Variants in HMGCLL1 observed in about 807,000 individuals in gnomAD.
HMGCLL1 encodes the protein 3-hydroxymethyl-3-methylglutaryl-CoA lyase, cytoplasmic.
HMGCLL1 carries 36 observed loss-of-function variants against 39.1 expected under a neutral mutation model. That is an observed-to-expected ratio of 0.92 (90% CI 0.71 to 1.22). HMGCLL1 has a LOEUF of 1.22. HMGCLL1 is among the 50% of genes most tolerant of loss of function. The pLI is 0.00. For missense variants in HMGCLL1, 451 were observed against 416.5 expected (o/e 1.08, Z -0.72); for synonymous variants, 149 against 144.0 (o/e 1.03, Z -0.25).
rs143658065 is a variant in HMGCLL1 at position 55,555,537 on chromosome 6, A to C, written c.109-13397T>G. On this transcript the variant is annotated intron_variant, in intron 1 of 8. Transcript: ENST00000274901. Reference sequence around the variant, plus strand: ...TTGTTGGGTTCACTGCTGTGTCCCAATCTTTAGAACCGATCCTGTTGTATA... The same window carrying C: ...TTGTTGGGTTCACTGCTGTGTCCCACTCTTTAGAACCGATCCTGTTGTATA... Among the ~76,000 whole-genome samples the C allele has an allele frequency of 2.0e-5, 3 of 152,282 alleles. No individual in the cohort carries two copies. In the East Asian group the frequency reaches 5.8e-4, roughly 29 times the overall value.
chr6:55,458,321 T>C (rs1204827801), intron 7 of HMGCLL1, among the ~76,000 whole-genome samples: 2 of 152,180 alleles, frequency 1.3e-5, no homozygotes, highest in Non-Finnish European at 2.9e-5. Context: ...AGCCAGTTTT[T>C]AGTGGGGAAG....
At chr6:55,654,089 G>A in the HMGCLL1 span, among the ~76,000 whole-genome samples, 1 of 151,856 alleles carries the variant, frequency 6.6e-6, no homozygotes, top group Non-Finnish European at 1.5e-5. Context: ...TATCAGCTAA[G>A]GAGTGTAAAT....
At chr6:55,489,470 C>A (rs915209204) in intron 7 of HMGCLL1, among the ~76,000 whole-genome samples, 4 of 151,082 alleles carry the variant, frequency 2.6e-5, no homozygotes, top group African/African-American at 9.7e-5. Flanking sequence ...CAAATTTAAG[C>A]CCCCAAAAGA....
chr6:55,436,332 A>C (rs1763372065), intron 8 of HMGCLL1, among the ~76,000 whole-genome samples: 1 of 152,058 alleles, frequency 6.6e-6, no homozygotes, highest in South Asian at 2.1e-4. Flanking sequence ...TATTTAGTAC[A>C]CATCTGGAAC....
chr6:55,554,417 A>G (rs925998445), intron 1 of HMGCLL1, among the ~76,000 whole-genome samples: 2 of 151,952 alleles, frequency 1.3e-5, no homozygotes, highest in African/African-American at 4.8e-5. Flanking sequence ...AGACATTCAC[A>G]TCACAGGATA....
At chr6:55,457,520 G>A (rs932389856) in intron 7 of HMGCLL1, among the ~76,000 whole-genome samples, 7 of 152,098 alleles carry the variant, frequency 4.6e-5, no homozygotes, top group East Asian at 1.9e-4. Flanking sequence ...AGTTATTAAA[G>A]CCAAGAAAAG....
the HMGCLL1 span, among the ~76,000 whole-genome samples, chr6:55,650,130 TA>T: frequency 2.0e-5 from 1 of 51,066 alleles, no homozygotes; most frequent in Non-Finnish European, 3.6e-5. Context: ...TATATATATA[TA>T]TATACACACA....
the HMGCLL1 span, among the ~76,000 whole-genome samples, chr6:55,630,462 T>C: frequency 6.6e-6 from 1 of 152,076 alleles, no homozygotes; most frequent in Non-Finnish European, 1.5e-5. Flanking sequence ...CTTCAGACTG[T>C]GGACTGACAT....
At chr6:55,497,887 T>A (rs1766659860) in intron 6 of HMGCLL1, among the ~76,000 whole-genome samples, 1 of 151,878 alleles carries the variant, frequency 6.6e-6, no homozygotes, top group Non-Finnish European at 1.5e-5. Flanking sequence ...GACAGTGTAA[T>A]GAGAAAGCAA....
At chr6:55,500,281 G>A (rs980314475) in intron 5 of HMGCLL1, among the ~76,000 whole-genome samples, 8 of 151,950 alleles carry the variant, frequency 5.3e-5, no homozygotes, top group Non-Finnish European at 1.2e-4. Flanking sequence ...ATTACGTAAG[G>A]TAGTGGCAAG....
In HMGCLL1 at chr6:55,435,745, CTT is replaced by C. The variant is rs751653044; in HGVS notation, c.938_939del (p.Lys313SerfsTer6). 6.3e-7 allele frequency: 1 copy of C among 1,597,626 alleles called. No individual in the cohort carries two copies. Among genetic ancestry groups the C allele is most frequent in the Non-Finnish European group, 8.6e-7 (1 of 1,168,970 alleles). On this transcript the variant is annotated frameshift_variant, in exon 9 of 9. Transcript: ENST00000274901. LOFTEE classifies it high-confidence loss of function. ...LGLNTGVNLYKVMEAGDFICK... is the reference protein window; with the variant it reads ...LGLNTGVNLYXVMEAGDFICK... ...CAAATAAAGTCACCAGCTTCCATCA[CTT>C]TGTATAGATTCACACCCTGGTGACG... is the stretch of plus-strand genomic sequence containing the variant.
chr6:55,493,044 T>C (rs547711536), intron 7 of HMGCLL1, among the ~76,000 whole-genome samples: 20 of 149,810 alleles, frequency 1.3e-4, no homozygotes, highest in South Asian at 4.2e-4. Flanking sequence ...AAAATATATT[T>C]ATATATTATA....
intron 6 of HMGCLL1, among the ~76,000 whole-genome samples, chr6:55,496,771 C>T (rs766851064): frequency 4.6e-5 from 7 of 152,246 alleles, no homozygotes; most frequent in Non-Finnish European, 1.0e-4. Flanking sequence ...TCTCCAGCTA[C>T]ATTTGCCCAC....
the HMGCLL1 span, among the ~76,000 whole-genome samples, chr6:55,640,661 T>C: frequency 6.6e-6 from 1 of 151,838 alleles, no homozygotes; most frequent in East Asian, 1.9e-4. Flanking sequence ...TGTATCACCA[T>C]TGTAGGCACA....
At chr6:55,591,471 T>C in the HMGCLL1 span, among the ~76,000 whole-genome samples, 1 of 151,962 alleles carries the variant, frequency 6.6e-6, no homozygotes, top group African/African-American at 2.4e-5. Context: ...TCGTAAATCA[T>C]GCAAGCCATG....
chr6:55,500,284 G>A (rs927241449), intron 5 of HMGCLL1, among the ~76,000 whole-genome samples: 4 of 152,094 alleles, frequency 2.6e-5, no homozygotes, highest in South Asian at 2.1e-4. Context: ...ACGTAAGGTA[G>A]TGGCAAGATC....
chr6:55,586,487 T>A, the HMGCLL1 span, among the ~76,000 whole-genome samples: 8 of 152,124 alleles, frequency 5.3e-5, no homozygotes, highest in Non-Finnish European at 1.0e-4. Context: ...GTCGGTGTGC[T>A]GCACCCAATA....
chr6:55,600,585 A>G, the HMGCLL1 span, among the ~76,000 whole-genome samples: 2 of 152,168 alleles, frequency 1.3e-5, no homozygotes, highest in African/African-American at 4.8e-5. Context: ...TGTATTGTTG[A>G]AGACAACAAT....
At chr6:55,507,086 C>T (rs1007634900) in intron 5 of HMGCLL1, among the ~76,000 whole-genome samples, 32 of 151,704 alleles carry the variant, frequency 2.1e-4, no homozygotes, top group Middle Eastern at 3.4e-3. Context: ...TACCAGAAAG[C>T]ATTGAACCTG....
Sources: gnomAD v4.1 joint callset for allele counts (sites outside exome capture counted in the v4.1 genomes callset) on GRCh38, gnomAD v4.1.1 for gene constraint, MANE v1.5 for transcripts, NCBI Gene and HGNC (gene_info 2026-07-23, HGNC 2026-07-21) for gene names.